The following NR3C2 variants were observed in gnomAD, a reference collection of about 807,000 sequenced individuals.
The protein encoded by NR3C2 is nuclear receptor subfamily 3 group C member 2.
A neutral mutation model predicts 86.4 loss-of-function variants in NR3C2; 15 were observed. That is an observed-to-expected ratio of 0.17 (90% CI 0.12 to 0.27). The LOEUF is 0.27. Among genes scored for constraint, NR3C2 ranks in the 10% least tolerant of loss-of-function variants. The pLI is 1.00. For synonymous variants in NR3C2, 458 were observed against 450.5 expected, an observed-to-expected ratio of 1.02 and a Z score of -0.21; for missense variants, 960 against 1,195.6, an observed-to-expected ratio of 0.80 and a Z score of 2.91.
chr4:148,234,169 T>C (rs767627601), intron 3 of NR3C2, among the ~76,000 whole-genome samples: 2 of 152,198 alleles, frequency 1.3e-5, no homozygotes, highest in African/African-American at 4.8e-5. Context: ...ATGCTAAGCA[T>C]CCTAACATAA....
At chr4:148,181,860 G>A (rs1355175203) in intron 4 of NR3C2, among the ~76,000 whole-genome samples, 1 of 152,190 alleles carries the variant, frequency 6.6e-6, no homozygotes, top group Non-Finnish European at 1.5e-5. Context: ...GAGGGAGTGG[G>A]TCTAGAGAAA....
At position 148,159,475 on chromosome 4, in the gene NR3C2, C is replaced by T. The variant is rs148460635; in HGVS notation, c.2015-4574G>A. Among the ~76,000 whole-genome samples, 3 of 152,222 alleles carry T rather than the reference C, an allele frequency of 2.0e-5. No homozygotes were observed. In the East Asian group the frequency reaches 5.8e-4, roughly 29 times the overall value. ...ATGTTCCAAGCACAGTTCAAAAGAG[C>T]TTTTACTTGTTTTCAGCATTCCAAT... On this transcript the variant is annotated intron_variant, in intron 4 of 8. Transcript: ENST00000358102.
At chr4:148,325,027 A>G (rs141134209) in intron 2 of NR3C2, among the ~76,000 whole-genome samples, 111 of 152,308 alleles carry the variant, frequency 7.3e-4, no homozygotes, top group African/African-American at 2.5e-3. Flanking sequence ...TATTCGTATA[A>G]CCATAAATTT....
rs114306802 is a variant in NR3C2 at position 148,143,449 on chromosome 4, T to C, written c.2510+9020A>G. On this transcript the variant is annotated intron_variant, in intron 6 of 8. Transcript: ENST00000358102. Reference sequence around the variant, plus strand: ...CTTTTTCTGCTATGCCACCAACTTATACCTACCACTGGACTGTAAGCCCCA... The same window carrying C: ...CTTTTTCTGCTATGCCACCAACTTACACCTACCACTGGACTGTAAGCCCCA... Among the ~76,000 whole-genome samples, 959 of 152,334 alleles carry C rather than the reference T, an allele frequency of 6.3e-3. 16 individuals carry two copies. Among genetic ancestry groups the C allele is most frequent in the African/African-American group, 0.022 (910 of 41,574 alleles).
chr4:148,390,349 A>G (rs1747480674), intron 2 of NR3C2, among the ~76,000 whole-genome samples: 1 of 152,176 alleles, frequency 6.6e-6, no homozygotes, highest in Non-Finnish European at 1.5e-5. Flanking sequence ...CAAACAGAAA[A>G]GTATCTTGGG....
intron 3 of NR3C2, among the ~76,000 whole-genome samples, chr4:148,249,246 GAA>G (rs1271423429): frequency 6.6e-6 from 1 of 151,062 alleles, no homozygotes; most frequent in Non-Finnish European, 1.5e-5. Context: ...AATTGAAGAA[GAA>G]AATAAAATAT....
At chr4:148,237,779 T>C (rs529638775) in intron 3 of NR3C2, among the ~76,000 whole-genome samples, 2 of 152,204 alleles carry the variant, frequency 1.3e-5, no homozygotes, top group African/African-American at 2.4e-5. Context: ...ATAGTAGTGA[T>C]AGAATTTCCT....
At chr4:148,199,276 GT>G (rs1216910179) in intron 3 of NR3C2, among the ~76,000 whole-genome samples, 4 of 152,036 alleles carry the variant, frequency 2.6e-5, no homozygotes, top group Non-Finnish European at 4.4e-5. Flanking sequence ...TAAGTCTTTA[GT>G]TTTTTTCTAA....
chr4:148,215,422 G>A (rs1473745737), intron 3 of NR3C2, among the ~76,000 whole-genome samples: 5 of 152,172 alleles, frequency 3.3e-5, no homozygotes, highest in East Asian at 1.9e-4. Context: ...AAGCTGATCC[G>A]GGCTTTCCTT....
intron 2 of NR3C2, among the ~76,000 whole-genome samples, chr4:148,299,248 G>C (rs1742209284): frequency 6.6e-6 from 1 of 152,174 alleles, no homozygotes; most frequent in Non-Finnish European, 1.5e-5. Flanking sequence ...TTCGTGGCCT[G>C]TACGGGGACA....
chr4:148,427,310 G>A lies in NR3C2; in HGVS notation c.1757+7794C>T, dbSNP rs189028140. 5.3e-3 allele frequency among the ~76,000 whole-genome samples: 800 copies of A among 151,996 alleles called. 4 individuals are homozygous for A. Among genetic ancestry groups the A allele is most frequent in the Non-Finnish European group, 8.3e-3 (562 of 67,970 alleles). ...AAGCTCATAACATGATGTTTTTGCC[G>A]ATTTTCCACATACTTTACTATTTCT... On this transcript the variant is annotated intron_variant, in intron 2 of 8. Transcript: ENST00000358102.
Position 148,435,967 on chromosome 4 carries a change from A to G in NR3C2, c.894T>C (p.Ser298=), listed in dbSNP as rs138498293. The change falls in exon 2 of 9, where the codon TCT becomes TCC. Residue 298 remains serine, a synonymous_variant. Coordinates refer to ENST00000358102, the MANE Select transcript of NR3C2 (RefSeq NM_000901.5). ...TTGAGTTGTTAATATTTGCAGGGCT[A>G]GACACAGAGGATCTCAGAGTGACAT... ...PNNVTLRSSV[S]SPANINNSRC... is the part of the protein sequence containing the mutation. 2.4e-5 allele frequency: 38 copies of G among 1,614,206 alleles called. No individual in the cohort carries two copies. The East Asian group carries it at 7.8e-4, about 33-fold the overall frequency.
chr4:148,358,482 G>T, intron 2 of NR3C2, among the ~76,000 whole-genome samples: 1 of 117,326 alleles, frequency 8.5e-6, no homozygotes, highest in African/African-American at 3.1e-5. Context: ...GGGGTGGGGG[G>T]AGGGGGGAGG....
At chr4:148,315,639 A>G (rs1743133319) in intron 2 of NR3C2, among the ~76,000 whole-genome samples, 1 of 152,216 alleles carries the variant, frequency 6.6e-6, no homozygotes, top group African/African-American at 2.4e-5. Context: ...TTTATGAACA[A>G]CAGAATAAAA....
chr4:148,129,759 C>A (rs1732929834), intron 6 of NR3C2, among the ~76,000 whole-genome samples: 13 of 152,074 alleles, frequency 8.5e-5, no homozygotes, highest in Admixed American at 8.5e-4. Flanking sequence ...CCATGCCTGG[C>A]TAATTTTTGT....
chr4:148,401,196 AC>A (rs1748142555), intron 2 of NR3C2, among the ~76,000 whole-genome samples: 1 of 152,188 alleles, frequency 6.6e-6, no homozygotes, highest in African/African-American at 2.4e-5. Context: ...ATGAGAAAAT[AC>A]ATCTCTCTCT....
At chr4:148,427,376 T>A (rs1749595857) in intron 2 of NR3C2, among the ~76,000 whole-genome samples, 1 of 152,048 alleles carries the variant, frequency 6.6e-6, no homozygotes, top group South Asian at 2.1e-4. Context: ...CCTTAACAAT[T>A]TAGTCCTAAA....
At chr4:148,221,241 G>C (rs1407157336) in intron 3 of NR3C2, among the ~76,000 whole-genome samples, 1 of 152,200 alleles carries the variant, frequency 6.6e-6, no homozygotes, top group Non-Finnish European at 1.5e-5. Context: ...TTATTACTAT[G>C]TGAACCTATC....
At chr4:148,401,031 A>C (rs1174917131) in intron 2 of NR3C2, among the ~76,000 whole-genome samples, 1 of 152,174 alleles carries the variant, frequency 6.6e-6, no homozygotes, top group Non-Finnish European at 1.5e-5. Context: ...AACATCAAAC[A>C]CCATGAGTAT....
Sources: gnomAD v4.1 joint callset for allele counts (sites outside exome capture counted in the v4.1 genomes callset) on GRCh38, gnomAD v4.1.1 for gene constraint, MANE v1.5 for transcripts, NCBI Gene and HGNC (gene_info 2026-07-23, HGNC 2026-07-21) for gene names.